The following CSMD1 variants were observed in gnomAD, a reference collection of about 807,000 sequenced individuals.
CSMD1 encodes the protein CUB and Sushi multiple domains 1.
Under a neutral mutation model 417.5 loss-of-function variants are expected in CSMD1, and 213 were observed. The observed-to-expected ratio is 0.51, with a 90% CI of 0.46 to 0.57. The LOEUF (loss-of-function observed/expected upper bound fraction) is 0.57, where lower values mean the gene tolerates loss of function less well. Among genes scored for constraint, CSMD1 ranks in the 20% least tolerant of loss-of-function variants. CSMD1 has a pLI of 0.00. For synonymous variants in CSMD1, 2,862 were observed against 1,736.8 expected, an observed-to-expected ratio of 1.65 and a Z score of -16.11; for missense variants, 6,923 against 4,529.7, an observed-to-expected ratio of 1.53 and a Z score of -15.17.
intron 1 of CSMD1, among the ~76,000 whole-genome samples, chr8:4,704,483 A>T (rs1807792022): frequency 6.6e-6 from 1 of 152,142 alleles, no homozygotes; most frequent in African/African-American, 2.4e-5. Flanking sequence ...CAGAAATTTG[A>T]ATTTTTGTAG....
intron 23 of CSMD1, among the ~76,000 whole-genome samples, chr8:3,337,416 C>G (rs985882416): frequency 2.0e-5 from 3 of 152,136 alleles, no homozygotes; most frequent in Non-Finnish European, 2.9e-5. Context: ...TGACTCTCAG[C>G]CACAAGGTTT....
intron 1 of CSMD1, among the ~76,000 whole-genome samples, chr8:4,862,157 G>A (rs1006623371): frequency 6.6e-6 from 1 of 152,014 alleles, no homozygotes; most frequent in African/African-American, 2.4e-5. Flanking sequence ...GGGAGTGAAC[G>A]GGAGCTGAGG....
intron 1 of CSMD1, among the ~76,000 whole-genome samples, chr8:4,702,305 G>T (rs754631623): frequency 6.6e-6 from 1 of 152,156 alleles, no homozygotes; most frequent in Admixed American, 6.5e-5. Flanking sequence ...TCTGAGACCT[G>T]CATGGCCATG....
chr8:3,305,774 G>T (rs748689954), intron 25 of CSMD1, among the ~76,000 whole-genome samples: 1 of 152,096 alleles, frequency 6.6e-6, no homozygotes, highest in African/African-American at 2.4e-5. Context: ...CCACCTCCTG[G>T]GTTCACACCA....
chr8:3,220,717 G>C (rs1316879764), intron 28 of CSMD1, among the ~76,000 whole-genome samples: 1 of 152,112 alleles, frequency 6.6e-6, no homozygotes, highest in African/African-American at 2.4e-5. Flanking sequence ...TGTAGTCCCA[G>C]CTGCTCGGGA....
At chr8:4,006,821 C>CTTTTT (rs1440838943) in intron 4 of CSMD1, among the ~76,000 whole-genome samples, 7 of 90,080 alleles carry the variant, frequency 7.8e-5, no homozygotes, top group African/African-American at 3.2e-4. Context: ...AGGACTTTTC[C>CTTTTT]TATTTTTTTT....
intron 2 of CSMD1, among the ~76,000 whole-genome samples, chr8:4,620,101 AATT>A (rs1310456765): frequency 1.3e-5 from 2 of 152,060 alleles, no homozygotes; most frequent in Admixed American, 6.6e-5. Flanking sequence ...CACATTAATT[AATT>A]ATTATCAGTT....
intron 7 of CSMD1, among the ~76,000 whole-genome samples, chr8:3,661,685 C>G (rs931139536): frequency 1.3e-5 from 2 of 151,972 alleles, no homozygotes; most frequent in Non-Finnish European, 2.9e-5. Flanking sequence ...TTAGTAGAGA[C>G]GGGATTTCAC....
chr8:4,700,390 A>G (rs1393075213), intron 1 of CSMD1, among the ~76,000 whole-genome samples: 1 of 152,074 alleles, frequency 6.6e-6, no homozygotes, highest in African/African-American at 2.4e-5. Context: ...ATCATTTGCT[A>G]TACTTTGCTT....
At chr8:4,495,820 C>T (rs1029246264) in intron 2 of CSMD1, among the ~76,000 whole-genome samples, 32 of 152,080 alleles carry the variant, frequency 2.1e-4, no homozygotes, top group Non-Finnish European at 4.3e-4. Flanking sequence ...TTGTCATAGC[C>T]TCTTTATCAA....
chr8:4,050,968 C>A (rs1363279977), intron 3 of CSMD1, among the ~76,000 whole-genome samples: 2 of 152,022 alleles, frequency 1.3e-5, no homozygotes, highest in Non-Finnish European at 2.9e-5. Context: ...TGGAGAAAGG[C>A]TGCAGATGGA....
chr8:4,833,173 A>G (rs1038099588), intron 1 of CSMD1, among the ~76,000 whole-genome samples: 1 of 152,206 alleles, frequency 6.6e-6, no homozygotes. Context: ...TCACACTGCT[A>G]TAAAAAAAAC....
Position 2,938,655 on chromosome 8 carries a change from TTTGTA to T in CSMD1, c.10620_10624del (p.Asp3540GlufsTer13). Reference sequence around the variant, plus strand: ...AGCCTTGGCTTCTGTGGGTTTTAAGTTTGTATCATACATGGGGTTTTCAAACGATG... The same window carrying T: ...AGCCTTGGCTTCTGTGGGTTTTAAGTTCATACATGGGGTTTTCAAACGATG... On this transcript the variant is annotated frameshift_variant, in exon 70 of 70. Coordinates refer to ENST00000635120, the MANE Select transcript of CSMD1 (RefSeq NM_033225.6). LOFTEE classifies it high-confidence loss of function. 6.2e-7 allele frequency: 1 copy of T among 1,611,840 alleles called. No individual in the cohort carries two copies. The highest frequency in any genetic ancestry group is 8.5e-7 in the Non-Finnish European group (1 of 1,178,976).
chr8:4,576,780 A>C (rs1799157540), intron 2 of CSMD1, among the ~76,000 whole-genome samples: 1 of 152,114 alleles, frequency 6.6e-6, no homozygotes, highest in Admixed American at 6.6e-5. Flanking sequence ...TTCAAGTGAT[A>C]TTAAGATATT....
At chr8:4,161,505 C>T (rs186591646) in intron 3 of CSMD1, among the ~76,000 whole-genome samples, 1 of 152,260 alleles carries the variant, frequency 6.6e-6, no homozygotes, top group Non-Finnish European at 1.5e-5. Context: ...AGAAAAAGGA[C>T]TGAACCCAAG....
At chr8:4,551,735 A>T (rs576185665) in intron 2 of CSMD1, among the ~76,000 whole-genome samples, 3 of 152,214 alleles carry the variant, frequency 2.0e-5, no homozygotes, top group Admixed American at 6.5e-5. Context: ...TCCAGGCTGG[A>T]GTCCAGTGGT....
chr8:4,896,125 T>G lies in CSMD1; in HGVS notation c.85+98207A>C, dbSNP rs940082103. On this transcript the variant is annotated intron_variant, in intron 1 of 69. Transcript: ENST00000635120. The stretch of plus-strand genomic sequence containing the variant: ...TCTGCCTTCTGAAATCAATGCTACT[T>G]TTAGTAGCATAAATATTTTTTTAAA... Among the ~76,000 whole-genome samples the G allele has an allele frequency of 2.6e-5, 4 of 152,116 alleles. No individual in the cohort carries two copies. In the East Asian group the frequency reaches 7.7e-4, roughly 29 times the overall value.
In CSMD1 at chr8:3,310,164, A is replaced by G. The variant is rs556165804; in HGVS notation, c.3632-1661T>C. 2.0e-5 allele frequency among the ~76,000 whole-genome samples: 3 copies of G among 152,358 alleles called. No individual in the cohort carries two copies. In the South Asian group the frequency reaches 6.2e-4, roughly 32 times the overall value. Reference sequence around the variant, plus strand: ...CACCTCCGGTTTCAGGGTCATTCAAATATTTGATGACCTTCATCTCACTGC... The same window carrying G: ...CACCTCCGGTTTCAGGGTCATTCAAGTATTTGATGACCTTCATCTCACTGC... On this transcript the variant is annotated intron_variant, in intron 23 of 69. Transcript: ENST00000635120.
At chr8:3,342,682 A>G (rs936714234) in intron 23 of CSMD1, among the ~76,000 whole-genome samples, 10 of 152,152 alleles carry the variant, frequency 6.6e-5, no homozygotes, top group Non-Finnish European at 1.2e-4. Context: ...GTTCATACAG[A>G]TGATGGGAAG....
Sources: gnomAD v4.1 joint callset for allele counts (sites outside exome capture counted in the v4.1 genomes callset) on GRCh38, gnomAD v4.1.1 for gene constraint, MANE v1.5 for transcripts, NCBI Gene and HGNC (gene_info 2026-07-23, HGNC 2026-07-21) for gene names.